LSAMP: variants seen among roughly 807,000 people sequenced by gnomAD.
LSAMP encodes limbic system-associated membrane protein.
A neutral mutation model predicts 38.6 loss-of-function variants in LSAMP; 7 were observed. The observed-to-expected ratio is 0.18, with a 90% CI of 0.10 to 0.34. The LOEUF is 0.34. LSAMP is among the 10% of genes least tolerant of loss of function. LSAMP has a pLI of 1.00. For synonymous variants in LSAMP, 154 were observed against 166.8 expected, an observed-to-expected ratio of 0.92 and a Z score of 0.59; for missense variants, 313 against 420.0, an observed-to-expected ratio of 0.75 and a Z score of 2.23.
chr3:116,135,076 G>A (rs1375968294), intron 1 of LSAMP, among the ~76,000 whole-genome samples: 1 of 152,080 alleles, frequency 6.6e-6, no homozygotes, highest in African/African-American at 2.4e-5. Context: ...TTGAGGGGGT[G>A]CATTATTATG....
chr3:116,223,017 C>T (rs2046306140), intron 1 of LSAMP, among the ~76,000 whole-genome samples: 1 of 151,900 alleles, frequency 6.6e-6, no homozygotes, highest in Non-Finnish European at 1.5e-5. Flanking sequence ...GGATTACAGG[C>T]GTGAGCCACC....
At chr3:115,954,945 C>T (rs1186831236) in intron 3 of LSAMP, among the ~76,000 whole-genome samples, 1 of 89,450 alleles carries the variant, frequency 1.1e-5, no homozygotes, top group Non-Finnish European at 2.5e-5. Flanking sequence ...AATGTTTTTT[C>T]TGTTTTTGTT....
intron 1 of LSAMP, among the ~76,000 whole-genome samples, chr3:116,311,910 A>T (rs1056478628): frequency 6.6e-6 from 1 of 152,334 alleles, no homozygotes; most frequent in East Asian, 1.9e-4. Flanking sequence ...TAAGTAAGCC[A>T]TTGGAATAAT....
chr3:116,131,204 G>A (rs1709125100), intron 1 of LSAMP, among the ~76,000 whole-genome samples: 1 of 151,812 alleles, frequency 6.6e-6, no homozygotes, highest in African/African-American at 2.4e-5. Flanking sequence ...TATTAGCCAG[G>A]ATGGTCTCGA....
At chr3:115,814,182 G>A (rs1181136671) in intron 6 of LSAMP, 1 of 152,160 alleles carries the variant, frequency 6.6e-6, no homozygotes, top group Non-Finnish European at 1.5e-5. Flanking sequence ...ATTGATTTGT[G>A]AAATGGGTCA....
intron 3 of LSAMP, among the ~76,000 whole-genome samples, chr3:115,914,928 T>C (rs1346770513): frequency 6.6e-6 from 1 of 152,186 alleles, no homozygotes; most frequent in East Asian, 1.9e-4. Context: ...AAGGTCTGTA[T>C]CCTGGGTTAG....
At chr3:116,349,517 T>A (rs111490050) in intron 1 of LSAMP, among the ~76,000 whole-genome samples, 2,143 of 147,334 alleles carry the variant, frequency 0.015, 16 homozygotes, top group Non-Finnish European at 0.018. Context: ...TCTCTCTCTC[T>A]CACACACACA....
intron 4 of LSAMP, among the ~76,000 whole-genome samples, chr3:115,848,048 C>CATAA (rs3087009): frequency 0.37 from 55,452 of 151,730 alleles, 10,752 homozygotes; most frequent in African/African-American, 0.5. Flanking sequence ...ATAATAGATT[C>CATAA]ATATTAGGAT....
chr3:115,938,577 C>T (rs1017753810), intron 3 of LSAMP, among the ~76,000 whole-genome samples: 1 of 152,114 alleles, frequency 6.6e-6, no homozygotes, highest in African/African-American at 2.4e-5. Context: ...CAATCCACTC[C>T]GTCTTTGGTA....
chr3:115,893,471 G>T (rs1253911038), intron 3 of LSAMP, among the ~76,000 whole-genome samples: 2 of 151,938 alleles, frequency 1.3e-5, no homozygotes, highest in Admixed American at 6.6e-5. Context: ...CTCAGTAGAG[G>T]TTTCTTTTTC....
intron 3 of LSAMP, among the ~76,000 whole-genome samples, chr3:115,868,858 G>A (rs1386646816): frequency 6.6e-6 from 1 of 152,032 alleles, no homozygotes; most frequent in Non-Finnish European, 1.5e-5. Flanking sequence ...ACATTAGATT[G>A]TTAGATTTTA....
chr3:115,903,363 G>A (rs1170038950), intron 3 of LSAMP, among the ~76,000 whole-genome samples: 2 of 152,112 alleles, frequency 1.3e-5, no homozygotes, highest in South Asian at 2.1e-4. Flanking sequence ...AGCAGGGAGA[G>A]GATCAGGAAA....
chr3:116,391,323 C>T (rs2048693325), intron 1 of LSAMP, among the ~76,000 whole-genome samples: 1 of 151,830 alleles, frequency 6.6e-6, no homozygotes, highest in Non-Finnish European at 1.5e-5. Flanking sequence ...GTCCCCGAGG[C>T]CGCTGACTGC....
At chr3:116,043,417 C>A (rs1193143088) in intron 2 of LSAMP, among the ~76,000 whole-genome samples, 1 of 152,148 alleles carries the variant, frequency 6.6e-6, no homozygotes, top group Non-Finnish European at 1.5e-5. Flanking sequence ...TTCTGATTCT[C>A]TACTTTGCTT....
At chr3:116,388,744 C>A (rs1332753682) in intron 1 of LSAMP, among the ~76,000 whole-genome samples, 6 of 152,174 alleles carry the variant, frequency 3.9e-5, no homozygotes, top group Non-Finnish European at 8.8e-5. Flanking sequence ...CCAAAGTAAT[C>A]TGGCAAAATA....
At position 116,216,688 on chromosome 3, in the gene LSAMP, AT is replaced by A. The variant is rs369841000; in HGVS notation, c.156-130133del. ...AATTAGATGTGAATAGTGAAAAAAA[AT>A]CAACATCTTCACTGAAATAATTATG... On this transcript the variant is annotated intron_variant, in intron 1 of 6. Transcript: ENST00000490035. 3.4e-3 allele frequency among the ~76,000 whole-genome samples: 525 copies of A among 152,340 alleles called. 1 individual carries two copies. The highest frequency in any genetic ancestry group is 0.012 in the African/African-American group (505 of 41,578).
intron 1 of LSAMP, among the ~76,000 whole-genome samples, chr3:116,088,949 G>A (rs1424590815): frequency 2.6e-5 from 4 of 152,086 alleles, no homozygotes; most frequent in Non-Finnish European, 5.9e-5. Flanking sequence ...CAGGACATTT[G>A]GTAACCTATA....
At chr3:116,291,918 A>G (rs1268755820) in intron 1 of LSAMP, among the ~76,000 whole-genome samples, 1 of 152,224 alleles carries the variant, frequency 6.6e-6, no homozygotes, top group East Asian at 1.9e-4. Context: ...GAAATCTGCC[A>G]GGCAACAACT....
chr3:116,378,988 AACACACACACACACACACACACACACAC>A (rs3028640), intron 1 of LSAMP, among the ~76,000 whole-genome samples: 1 of 137,042 alleles, frequency 7.3e-6, no homozygotes. Flanking sequence ...AATTGCTCAG[AACACACACACACACACACACACACACAC>A]ACACACACAC....
Sources: gnomAD v4.1 joint callset for allele counts (sites outside exome capture counted in the v4.1 genomes callset) on GRCh38, gnomAD v4.1.1 for gene constraint, MANE v1.5 for transcripts, NCBI Gene and HGNC (gene_info 2026-07-23, HGNC 2026-07-21) for gene names.